The following NELL1 variants were observed in gnomAD, a reference collection of about 807,000 sequenced individuals.
NELL1 encodes the protein protein kinase C-binding protein NELL1.
Under a neutral mutation model 107.4 loss-of-function variants are expected in NELL1, and 76 were observed. The observed-to-expected ratio is 0.71, with a 90% CI of 0.59 to 0.86. The LOEUF is 0.86. Among genes scored for constraint, NELL1 ranks in the 40% least tolerant of loss-of-function variants. NELL1 has a pLI of 0.00. For synonymous variants in NELL1, 353 were observed against 341.2 expected, an observed-to-expected ratio of 1.03 and a Z score of -0.38; for missense variants, 1,024 against 1,005.5, an observed-to-expected ratio of 1.02 and a Z score of -0.25.
chr11:21,159,187 C>T (rs1456350682), intron 13 of NELL1, among the ~76,000 whole-genome samples: 2 of 152,094 alleles, frequency 1.3e-5, no homozygotes, highest in African/African-American at 4.8e-5. Flanking sequence ...ACCAGTCAAT[C>T]ATAGGACTTA....
At chr11:21,427,860 A>G (rs73459541) in intron 15 of NELL1, among the ~76,000 whole-genome samples, 9,399 of 152,096 alleles carry the variant, frequency 0.062, 774 homozygotes, top group African/African-American at 0.19. Context: ...ACACCCAAAA[A>G]CTAGTGCCTT....
intron 5 of NELL1, among the ~76,000 whole-genome samples, chr11:20,899,013 A>G (rs1849813105): frequency 6.6e-6 from 1 of 152,120 alleles, no homozygotes; most frequent in African/African-American, 2.4e-5. Flanking sequence ...ATAGTAGGTA[A>G]TTAGAGGGAA....
chr11:20,768,454 A>G (rs945245873), intron 2 of NELL1, among the ~76,000 whole-genome samples: 1 of 152,234 alleles, frequency 6.6e-6, no homozygotes, highest in Admixed American at 6.5e-5. Context: ...GTTTTATTCA[A>G]ATCATAATGG....
chr11:21,472,151 TTTTGTTTGTTTGTTTG>T (rs145893225), intron 15 of NELL1, among the ~76,000 whole-genome samples: 3 of 150,806 alleles, frequency 2.0e-5, no homozygotes, highest in Admixed American at 6.6e-5. Flanking sequence ...TTCTGTTTTG[TTTTGTTTGTTTGTTTG>T]TTTGTTTGTT....
intron 2 of NELL1, among the ~76,000 whole-genome samples, chr11:20,728,690 A>G (rs1855563151): frequency 6.6e-6 from 1 of 151,672 alleles, no homozygotes; most frequent in Non-Finnish European, 1.5e-5. Context: ...TTGTACCAGT[A>G]TCATGCTGTT....
intron 13 of NELL1, among the ~76,000 whole-genome samples, chr11:21,202,680 T>C (rs1857296664): frequency 6.6e-6 from 1 of 152,212 alleles, no homozygotes; most frequent in Non-Finnish European, 1.5e-5. Context: ...TTTGGATTTG[T>C]TTGCTCTTGC....
chr11:21,085,355 T>A (rs549623546), intron 12 of NELL1, among the ~76,000 whole-genome samples: 1 of 152,324 alleles, frequency 6.6e-6, no homozygotes, highest in Non-Finnish European at 1.5e-5. Context: ...TATTTTAGTC[T>A]GGGCACAGTG....
intron 12 of NELL1, among the ~76,000 whole-genome samples, chr11:21,038,037 G>GA (rs1230234818): frequency 3.9e-5 from 6 of 151,994 alleles, no homozygotes; most frequent in Admixed American, 1.3e-4. Flanking sequence ...TTAAATTCAG[G>GA]AAAAAAATAG....
intron 15 of NELL1, among the ~76,000 whole-genome samples, chr11:21,377,355 T>A (rs2133763023): frequency 6.6e-6 from 1 of 152,006 alleles, no homozygotes; most frequent in East Asian, 1.9e-4. Context: ...ATTTATTGAT[T>A]TGTATTTGTT....
At chr11:21,059,574 T>C (rs1012211469) in intron 12 of NELL1, among the ~76,000 whole-genome samples, 1 of 152,294 alleles carries the variant, frequency 6.6e-6, no homozygotes, top group South Asian at 2.1e-4. Context: ...AATTGGTATT[T>C]TACCAATTTG....
intron 2 of NELL1, among the ~76,000 whole-genome samples, chr11:20,708,158 T>A (rs1253384758): frequency 6.6e-6 from 1 of 152,228 alleles, no homozygotes. Flanking sequence ...GCACAGGATA[T>A]AATCTCCTAA....
At chr11:21,329,512 C>T (rs529081322) in intron 14 of NELL1, among the ~76,000 whole-genome samples, 6 of 152,208 alleles carry the variant, frequency 3.9e-5, no homozygotes, top group Non-Finnish European at 7.4e-5. Flanking sequence ...TATAGTGAAG[C>T]AAATTAACAT....
chr11:20,859,526 C>T (rs1848940099), intron 4 of NELL1, among the ~76,000 whole-genome samples: 1 of 152,126 alleles, frequency 6.6e-6, no homozygotes, highest in South Asian at 2.1e-4. Flanking sequence ...GCCATTTCTT[C>T]AAATGTGGAG....
chr11:21,100,020 C>T (rs77843068), intron 12 of NELL1, among the ~76,000 whole-genome samples: 1 of 146,912 alleles, frequency 6.8e-6, no homozygotes, highest in African/African-American at 2.7e-5. Context: ...CCATTTTAGC[C>T]CTTTTTTTTT....
intron 12 of NELL1, among the ~76,000 whole-genome samples, chr11:21,091,112 G>C (rs1854510332): frequency 6.6e-6 from 1 of 152,152 alleles, no homozygotes; most frequent in Admixed American, 6.5e-5. Flanking sequence ...TTTTGCCTCA[G>C]GCAACATCAG....
chr11:20,746,022 G>C (rs1855994925), intron 2 of NELL1, among the ~76,000 whole-genome samples: 1 of 152,156 alleles, frequency 6.6e-6, no homozygotes, highest in South Asian at 2.1e-4. Context: ...CTAATAAGAA[G>C]ATAGGTGAGC....
chr11:20,825,433 G>A (rs1857859697), intron 3 of NELL1, among the ~76,000 whole-genome samples: 1 of 151,442 alleles, frequency 6.6e-6, no homozygotes, highest in Non-Finnish European at 1.5e-5. Flanking sequence ...ACTGTACCCT[G>A]AAAAGCCACA....
At chr11:21,229,221 CA>C in intron 13 of NELL1, 110 bp from the exon 14 acceptor site, 1 of 1,232,708 alleles carries the variant, frequency 8.1e-7, no homozygotes. Context: ...AAGGTACTGA[CA>C]AGTGGTAGTC....
intron 15 of NELL1, among the ~76,000 whole-genome samples, chr11:21,453,468 T>A (rs1415511611): frequency 6.6e-6 from 1 of 152,170 alleles, no homozygotes; most frequent in African/African-American, 2.4e-5. Flanking sequence ...GCCTCTCTGC[T>A]ATTTTTAGTA....
Sources: allele counts gnomAD v4.1 joint callset (sites outside exome capture counted in the v4.1 genomes callset), GRCh38; gene constraint gnomAD v4.1.1; transcripts MANE v1.5; gene names NCBI Gene and HGNC (gene_info 2026-07-23, HGNC 2026-07-21).